EDA: variants seen among roughly 807,000 people sequenced by gnomAD.
EDA encodes ectodysplasin A, also known as ectodysplasin-A.
In EDA, 2 loss-of-function variants were observed where a neutral mutation model predicts 23.6. That is an observed-to-expected ratio of 0.08 (90% CI 0.03 to 0.27). The LOEUF is 0.27. EDA is among the 10% of genes least tolerant of loss of function. The pLI, the probability that EDA is intolerant of heterozygous loss-of-function variation, is 1.00. For missense variants in EDA, 229 were observed against 324.2 expected, an observed-to-expected ratio of 0.71 and a Z score of 2.26; for synonymous variants, 131 against 132.0, an observed-to-expected ratio of 0.99 and a Z score of 0.05.
chrX:69,846,481 G>A (rs1020371789), intron 1 of EDA, among the ~76,000 whole-genome samples: 1 of 110,952 alleles, frequency 9.0e-6, no homozygotes, highest in Non-Finnish European at 1.9e-5. Context: ...TTTTATTAGA[G>A]ACAGGGTTTC....
intron 1 of EDA, among the ~76,000 whole-genome samples, chrX:69,654,432 C>T (rs1298490264): frequency 4.5e-5 from 5 of 111,540 alleles, no homozygotes; most frequent in Non-Finnish European, 9.4e-5. Context: ...TTTGAACCAG[C>T]CATCCCATTA....
chrX:70,014,240 A>G (rs1037964649), intron 2 of EDA, among the ~76,000 whole-genome samples: 1 of 112,983 alleles, frequency 8.9e-6, no homozygotes, highest in African/African-American at 3.2e-5. Context: ...CAGAGGAACC[A>G]CATGGCTGGG....
chrX:69,761,179 A>G lies in EDA; in HGVS notation c.396+144475A>G, dbSNP rs759993688. 2.7e-5 allele frequency among the ~76,000 whole-genome samples: 3 copies of G among 110,901 alleles called. No homozygotes were observed. The East Asian group carries it at 8.5e-4, about 32-fold the overall frequency. ...AGGTCATTGCTTAGATATCAATGGA[A>G]AAGGAAGAATCAAGGATGCCTCTAG... On this transcript the variant is annotated intron_variant, in intron 1 of 7. Coordinates refer to ENST00000374552, the MANE Select transcript of EDA (RefSeq NM_001399.5).
At chrX:69,713,809 A>G (rs2520411) in intron 1 of EDA, among the ~76,000 whole-genome samples, 1 of 111,749 alleles carries the variant, frequency 8.9e-6, no homozygotes, top group African/African-American at 3.3e-5. Flanking sequence ...TGGCAATTAC[A>G]AAGAAAGCTG....
At chrX:69,946,383 C>T (rs1300560323) in intron 1 of EDA, among the ~76,000 whole-genome samples, 4 of 111,423 alleles carry the variant, frequency 3.6e-5, no homozygotes, top group Non-Finnish European at 5.7e-5. Context: ...CCACTGGCCA[C>T]GTATCTACAT....
intron 1 of EDA, among the ~76,000 whole-genome samples, chrX:69,678,294 T>C (rs1332691653): frequency 9.1e-6 from 1 of 109,813 alleles, no homozygotes; most frequent in Non-Finnish European, 1.9e-5. Flanking sequence ...AGGATTGACT[T>C]GGTGATGCGG....
chrX:69,963,373 GT>G (rs1349392253), intron 2 of EDA, among the ~76,000 whole-genome samples: 5 of 111,799 alleles, frequency 4.5e-5, no homozygotes, highest in Non-Finnish European at 9.4e-5. Flanking sequence ...AAATGAGAGA[GT>G]AAAATCATTT....
intron 2 of EDA, among the ~76,000 whole-genome samples, chrX:70,015,352 CA>C (rs772809912): frequency 1.2e-4 from 13 of 111,893 alleles, no homozygotes; most frequent in Non-Finnish European, 2.3e-4. Context: ...GCGGGTGGAT[CA>C]CCTGAGGTCA....
chrX:69,681,765 G>T (rs1367925565), intron 1 of EDA, among the ~76,000 whole-genome samples: 1 of 110,900 alleles, frequency 9.0e-6, no homozygotes, highest in East Asian at 2.8e-4. Context: ...CCTTTGTTTT[G>T]AATGTCCTCC....
chrX:69,630,831 C>G (rs1296961524), intron 1 of EDA, among the ~76,000 whole-genome samples: 1 of 111,557 alleles, frequency 9.0e-6, no homozygotes, highest in Non-Finnish European at 1.9e-5. Context: ...TTTACAAATG[C>G]TTTCTTTCAG....
intron 1 of EDA, among the ~76,000 whole-genome samples, chrX:69,780,049 T>TA (rs2147443885): frequency 0.014 from 1 of 72 alleles, no homozygotes; most frequent in Admixed American, 0.1. Context: ...GCTACTTATA[T>TA]CATAAAAATG....
chrX:69,820,617 C>T (rs1017574566), intron 1 of EDA, among the ~76,000 whole-genome samples: 8 of 112,048 alleles, frequency 7.1e-5, no homozygotes, highest in South Asian at 7.4e-4. Flanking sequence ...GACATACATG[C>T]GGCCAACAAA....
At chrX:69,993,658 A>G (rs2019620216) in intron 2 of EDA, among the ~76,000 whole-genome samples, 1 of 111,870 alleles carries the variant, frequency 8.9e-6, no homozygotes, top group African/African-American at 3.2e-5. Context: ...GGAAGATGTG[A>G]CTTGCCCACT....
At chrX:69,792,475 G>T (rs112715918) in intron 1 of EDA, among the ~76,000 whole-genome samples, 32 of 111,749 alleles carry the variant, frequency 2.9e-4, no homozygotes, top group African/African-American at 9.4e-4. Context: ...TTTCCTTTGG[G>T]TATATACCCA....
In EDA at chrX:69,957,065, A is replaced by G. The variant is rs146844463; in HGVS notation, c.435A>G (p.Pro145=). Residue 145 remains proline, a synonymous_variant, in exon 2 of 8, where the codon CCA becomes CCG. Coordinates refer to ENST00000374552, the MANE Select transcript of EDA (RefSeq NM_001399.5). ...LLNFFFPDEK[P]YSEEESRRVR... ...ATTTCTTCTTCCCTGATGAAAAGCCATACTCTGAAGAAGAAAGTAGGCGTG... is the reference window on the plus strand; with the variant it reads ...ATTTCTTCTTCCCTGATGAAAAGCCGTACTCTGAAGAAGAAAGTAGGCGTG... 110 of 1,210,519 alleles carry G rather than the reference A, an allele frequency of 9.1e-5. No individual in the cohort carries two copies. The highest frequency in any genetic ancestry group is 1.2e-4 in the Non-Finnish European group (103 of 895,245).
chrX:69,748,995 A>T, intron 1 of EDA, among the ~76,000 whole-genome samples: 1 of 104,981 alleles, frequency 9.5e-6, no homozygotes, highest in African/African-American at 3.5e-5. Context: ...TGTGCAGGTT[A>T]GTTACATATG....
At chrX:69,945,650 C>CT (rs2018823692) in intron 1 of EDA, among the ~76,000 whole-genome samples, 1 of 111,824 alleles carries the variant, frequency 8.9e-6, no homozygotes, top group Non-Finnish European at 1.9e-5. Context: ...TACTTCATTT[C>CT]ATTTGTTTAT....
At chrX:69,760,021 C>T (rs1479779693) in intron 1 of EDA, among the ~76,000 whole-genome samples, 1 of 108,207 alleles carries the variant, frequency 9.2e-6, no homozygotes, top group Non-Finnish European at 1.9e-5. Context: ...TAAAGATTCT[C>T]CAGATCTCTC....
intron 1 of EDA, among the ~76,000 whole-genome samples, chrX:69,858,626 G>T (rs960075757): frequency 9.0e-6 from 1 of 111,601 alleles, no homozygotes; most frequent in Non-Finnish European, 1.9e-5. Flanking sequence ...GCTGGAGTTC[G>T]TTTGCTGGTA....
Sources: allele counts gnomAD v4.1 joint callset (sites outside exome capture counted in the v4.1 genomes callset), GRCh38; gene constraint gnomAD v4.1.1; transcripts MANE v1.5; gene names NCBI Gene and HGNC (gene_info 2026-07-23, HGNC 2026-07-21).